Variants in TENM4 observed in about 807,000 individuals in gnomAD.
The protein encoded by TENM4 is teneurin transmembrane protein 4, also known as teneurin-4.
In TENM4, 82 loss-of-function variants were observed where a neutral mutation model predicts 243.3. That is an observed-to-expected ratio of 0.34 (90% CI 0.28 to 0.40). TENM4 has a LOEUF of 0.40. TENM4 is among the 10% of genes least tolerant of loss of function. The pLI is 1.00. For missense variants in TENM4, 3,138 were observed against 3,673.3 expected (o/e 0.85, Z 3.77); for synonymous variants, 1,412 against 1,456.3 (o/e 0.97, Z 0.69).
intron 3 of TENM4, among the ~76,000 whole-genome samples, chr11:79,153,507 G>A (rs1862548184): frequency 6.6e-6 from 1 of 152,046 alleles, no homozygotes; most frequent in Non-Finnish European, 1.5e-5. Flanking sequence ...ATCCCGACTT[G>A]GGTAAGGAGC....
chr11:79,391,250 C>CT (rs910797913), intron 1 of TENM4, among the ~76,000 whole-genome samples: 22 of 149,194 alleles, frequency 1.5e-4, no homozygotes, highest in African/African-American at 3.9e-4. Context: ...TTTATAGTTC[C>CT]TTTTTTTTTT....
intron 6 of TENM4, among the ~76,000 whole-genome samples, chr11:78,927,841 G>T (rs1359059465): frequency 9.2e-6 from 1 of 108,742 alleles, no homozygotes; most frequent in Admixed American, 1.0e-4. Context: ...AGGAAGAAAA[G>T]CATCCTGTTC....
chr11:79,065,872 C>A (rs1249038621), intron 5 of TENM4, among the ~76,000 whole-genome samples: 1 of 152,190 alleles, frequency 6.6e-6, no homozygotes, highest in Non-Finnish European at 1.5e-5. Flanking sequence ...CCCTGTCACT[C>A]CTGCATGTGA....
chr11:79,146,300 G>T (rs1438901409), intron 4 of TENM4, among the ~76,000 whole-genome samples: 1 of 152,088 alleles, frequency 6.6e-6, no homozygotes, highest in Non-Finnish European at 1.5e-5. Flanking sequence ...TATCTACTGT[G>T]AGCCACTGTC....
At chr11:79,437,925 A>AT (rs1361334084) in intron 1 of TENM4, among the ~76,000 whole-genome samples, 6 of 152,046 alleles carry the variant, frequency 3.9e-5, no homozygotes, top group Admixed American at 6.5e-5. Context: ...GCACCTGGGG[A>AT]TTTTTTTCCA....
intron 26 of TENM4, among the ~76,000 whole-genome samples, chr11:78,709,393 TGAGGA>T (rs1171242520): frequency 2.0e-5 from 3 of 152,188 alleles, no homozygotes; most frequent in Non-Finnish European, 2.9e-5. Context: ...GGCAGCACAC[TGAGGA>T]GAGGAGTCAG....
intron 2 of TENM4, among the ~76,000 whole-genome samples, chr11:79,239,435 C>T (rs1353440049): frequency 6.6e-6 from 1 of 152,138 alleles, no homozygotes; most frequent in Non-Finnish European, 1.5e-5. Flanking sequence ...GCAGGTGTTA[C>T]CCTCATTTTA....
chr11:79,145,893 T>A lies in TENM4; in HGVS notation c.-66+2817A>T, dbSNP rs1236005532. ...CCTGAAGAGTAAAAATGTTATGTGC[T>A]TTTTTGGCTATTTGGACATCTTCTT... is the stretch of plus-strand genomic sequence containing the variant. On this transcript the variant is annotated intron_variant, in intron 4 of 33. Coordinates refer to ENST00000278550, the MANE Select transcript of TENM4 (RefSeq NM_001098816.3). 3.3e-5 allele frequency among the ~76,000 whole-genome samples: 5 copies of A among 152,144 alleles called. No individual in the cohort carries two copies. The East Asian group carries it at 7.7e-4, about 23-fold the overall frequency.
chr11:78,723,400 T>C (rs1385299521), intron 23 of TENM4, among the ~76,000 whole-genome samples: 1 of 152,248 alleles, frequency 6.6e-6, no homozygotes, highest in Non-Finnish European at 1.5e-5. Flanking sequence ...CCTTTCTGTA[T>C]CCCCAGTGCT....
At chr11:79,095,474 C>T (rs916928648) in intron 4 of TENM4, among the ~76,000 whole-genome samples, 4 of 152,200 alleles carry the variant, frequency 2.6e-5, no homozygotes, top group African/African-American at 7.2e-5. Context: ...TCTTCCATAG[C>T]CCTAATGAGT....
intron 6 of TENM4, among the ~76,000 whole-genome samples, chr11:78,958,710 C>A (rs938770177): frequency 7.2e-5 from 11 of 152,218 alleles, no homozygotes; most frequent in African/African-American, 2.4e-4. Context: ...GAGAGTCCAG[C>A]GCAAGCTCCC....
intron 9 of TENM4, among the ~76,000 whole-genome samples, chr11:78,879,372 G>A (rs1238379474): frequency 1.4e-4 from 21 of 151,708 alleles, no homozygotes; most frequent in African/African-American, 1.5e-4. Flanking sequence ...GGTGAGGAGC[G>A]CCTCTGCCTG....
chr11:78,668,274 A>G (rs1858210762), intron 32 of TENM4, among the ~76,000 whole-genome samples: 1 of 149,652 alleles, frequency 6.7e-6, no homozygotes. Context: ...ATTAGCTAGG[A>G]CTCTTTTTTT....
In TENM4 at chr11:78,855,944, G is replaced by T. The variant is rs1015111671; in HGVS notation, c.1470+20C>A. On this transcript the variant is annotated intron_variant, in intron 11 of 33. Coordinates refer to ENST00000278550, the MANE Select transcript of TENM4 (RefSeq NM_001098816.3). Reference sequence around the variant, plus strand: ...GTAGGAGCCCATGCAGATCAACAGGGTATGTGGGGTTCTGGTTACCTGTGT... The same window carrying T: ...GTAGGAGCCCATGCAGATCAACAGGTTATGTGGGGTTCTGGTTACCTGTGT... 3 of 1,549,398 alleles carry T rather than the reference G, an allele frequency of 1.9e-6. No individual in the cohort carries two copies. In the African/African-American group the frequency reaches 4.1e-5, roughly 21 times the overall value.
At chr11:79,114,762 A>G (rs1861583450) in intron 4 of TENM4, among the ~76,000 whole-genome samples, 2 of 152,226 alleles carry the variant, frequency 1.3e-5, no homozygotes, top group South Asian at 2.1e-4. Context: ...ATAATTATCC[A>G]ATTATACAGG....
chr11:78,888,959 C>T (rs1278943408), intron 9 of TENM4, among the ~76,000 whole-genome samples: 1 of 152,232 alleles, frequency 6.6e-6, no homozygotes, highest in African/African-American at 2.4e-5. Context: ...TGCTACACAA[C>T]ACCCACAGAT....
At chr11:79,315,358 G>T (rs1856786112) in intron 1 of TENM4, among the ~76,000 whole-genome samples, 1 of 152,204 alleles carries the variant, frequency 6.6e-6, no homozygotes, top group Admixed American at 6.5e-5. Flanking sequence ...CCTCTGTGTA[G>T]AAAAGAGAAA....
At chr11:78,959,578 G>A (rs1857274763) in intron 6 of TENM4, among the ~76,000 whole-genome samples, 1 of 152,132 alleles carries the variant, frequency 6.6e-6, no homozygotes, top group South Asian at 2.1e-4. Context: ...AACCCCAGAG[G>A]AACAGACCAG....
chr11:79,431,676 T>C (rs1357636180), intron 1 of TENM4, among the ~76,000 whole-genome samples: 2 of 152,212 alleles, frequency 1.3e-5, no homozygotes, highest in Non-Finnish European at 2.9e-5. Flanking sequence ...TGAATCAGCA[T>C]AGAGCATTCA....
Sources: allele counts gnomAD v4.1 joint callset (sites outside exome capture counted in the v4.1 genomes callset), GRCh38; gene constraint gnomAD v4.1.1; transcripts MANE v1.5; gene names NCBI Gene and HGNC (gene_info 2026-07-23, HGNC 2026-07-21).